The following ZACN variants were observed in gnomAD, a reference collection of about 807,000 sequenced individuals.
ZACN encodes the protein ligand-gated cation channel ZACN.
ZACN carries 52 observed loss-of-function variants against 38.9 expected under a neutral mutation model. That is an observed-to-expected ratio of 1.34 (90% CI 1.07 to 1.68). The LOEUF (loss-of-function observed/expected upper bound fraction) is 1.68, where lower values mean the gene tolerates loss of function less well. Ranked by LOEUF, ZACN falls within the 40% of genes most tolerant of loss-of-function variation. The pLI is 0.00. For synonymous variants in ZACN, 235 were observed against 227.4 expected (o/e 1.03, Z -0.30); for missense variants, 559 against 525.6 (o/e 1.06, Z -0.62).
In ZACN at chr17:76,081,534, TC is replaced by T. The variant is rs1475670024; in HGVS notation, c.670-7del. 6.2e-7 allele frequency: 1 copy of T among 1,612,932 alleles called. No individual in the cohort carries two copies. The highest frequency in any genetic ancestry group is 8.5e-7 in the Non-Finnish European group (1 of 1,179,930). On this transcript the variant is annotated splice_polypyrimidine_tract_variant and intron_variant, in intron 6 of 8. Coordinates refer to ENST00000334586, the MANE Select transcript of ZACN (RefSeq NM_180990.4). Reference sequence around the variant, plus strand: ...CCCCCGCCGGGAAGGCCCTGACTTTTCCCCTTCCAGCTGAGGCTGAAGAACA... The same window carrying T: ...CCCCCGCCGGGAAGGCCCTGACTTTTCCCTTCCAGCTGAGGCTGAAGAACA...
In ZACN at chr17:76,079,454, TCAA is replaced by T; in HGVS notation, c.115_117del (p.Asn39del). The T allele has an allele frequency of 6.2e-7, 1 of 1,614,174 alleles. No homozygotes were observed. The highest frequency in any genetic ancestry group is 8.5e-7 in the Non-Finnish European group (1 of 1,180,024). Reference sequence around the variant, plus strand: ...TCTCTCTCAGTCTGGCCATCCCTCTTCAACGTCAACTTGTCCAAGAAGGTTCAG... The same window carrying T: ...TCTCTCTCAGTCTGGCCATCCCTCTTCGTCAACTTGTCCAAGAAGGTTCAG... On this transcript the variant is annotated inframe_deletion, in exon 2 of 9. Transcript: ENST00000334586.
rs773950337 is a variant in ZACN, at chr17:76,081,576, T to A, written c.701T>A (p.Ile234Asn). 1.2e-6 allele frequency: 2 copies of A among 1,613,884 alleles called. No homozygotes were observed. The highest frequency in any genetic ancestry group is 2.2e-5 in the South Asian group (2 of 91,090). Reference protein sequence around the residue: ...LRLKNTALKSIIALLVPAEAL... With the variant: ...LRLKNTALKSNIALLVPAEAL... ...CTGAAGAACACGGCGCTCAAGTCCATCATCGCTCTCTTGGTGCCTGCAGAG... is the reference window on the plus strand; with the variant it reads ...CTGAAGAACACGGCGCTCAAGTCCAACATCGCTCTCTTGGTGCCTGCAGAG... Residue 234 changes from isoleucine to asparagine, a missense_variant, in exon 7 of 9, where the codon ATC becomes AAC. By Grantham distance (149) the Ile-to-Asn change is moderately radical (BLOSUM62 -3). Coordinates refer to ENST00000334586, the MANE Select transcript of ZACN (RefSeq NM_180990.4).
Position 76,081,544 on chromosome 17 carries a change from G to T in ZACN, c.670-1G>T. 2 of 1,613,210 alleles carry T rather than the reference G, an allele frequency of 1.2e-6. No homozygotes were observed. The highest frequency in any genetic ancestry group is 1.7e-6 in the Non-Finnish European group (2 of 1,180,010). ...GAAGGCCCTGACTTTTCCCCTTCCA[G>T]CTGAGGCTGAAGAACACGGCGCTCA... On this transcript the variant is annotated splice_acceptor_variant, in intron 6 of 8. Transcript: ENST00000334586. LOFTEE classifies it high-confidence loss of function.
rs2066914053 is a variant in ZACN, at chr17:76,079,233, C to T, written c.-32C>T. On this transcript the variant is annotated 5_prime_UTR_variant, in exon 1 of 9. Transcript: ENST00000334586. ...TGGAATAGAGGTTGTAGCTTAGGCA[C>T]CGCTGCTCCCTCCAGTCCCTCCGTG... The T allele has an allele frequency of 6.9e-6, 11 of 1,582,840 alleles. No homozygotes were observed. The highest frequency in any genetic ancestry group is 7.8e-6 in the Non-Finnish European group (9 of 1,160,372).
intron 5 of ZACN, chr17:76,080,849 A>T: frequency 2.1e-6 from 1 of 471,266 alleles, no homozygotes; most frequent in South Asian, 1.5e-5. Context: ...ACTCCTGGAA[A>T]CCACCTGAAG....
In ZACN at chr17:76,079,968, G is replaced by C. The variant is rs1234022051; in HGVS notation, c.348G>C (p.Trp116Cys). The change falls in exon 4 of 9, where the codon TGG becomes TGC. Residue 116 changes from tryptophan (W) to cysteine (C), a missense_variant. Transcript: ENST00000334586. ...TCACGCTGCCCTGGGAGTCTCTCTGGACACCAAGGCTCACCATCCTGGAGG... is the reference window on the plus strand; with the variant it reads ...TCACGCTGCCCTGGGAGTCTCTCTGCACACCAAGGCTCACCATCCTGGAGG... ...HAITLPWESL[W>C]TPRLTILEAL... 5.0e-6 allele frequency: 8 copies of C among 1,593,326 alleles called. No individual in the cohort carries two copies. The African/African-American group carries it at 8.1e-5, about 16-fold the overall frequency.
In ZACN at chr17:76,080,441, G is replaced by A; in HGVS notation, c.544+17G>A. The A allele has an allele frequency of 6.2e-7, 1 of 1,612,718 alleles. No individual in the cohort carries two copies. The highest frequency in any genetic ancestry group is 8.5e-7 in the Non-Finnish European group (1 of 1,179,914). On this transcript the variant is annotated intron_variant, in intron 5 of 8. Coordinates refer to ENST00000334586, the MANE Select transcript of ZACN (RefSeq NM_180990.4). Reference sequence around the variant, plus strand: ...GCAACACGGGTGCTGACAGGGCAGGGGCTGCAGGGTTGAGGAGGGGAGGAG... The same window carrying A: ...GCAACACGGGTGCTGACAGGGCAGGAGCTGCAGGGTTGAGGAGGGGAGGAG...
chr17:76,081,985 CCCCAG>C lies in ZACN; in HGVS notation c.993_997del (p.Ala332GlufsTer16), dbSNP rs2067001687. The C allele has an allele frequency of 6.2e-7, 1 of 1,612,268 alleles. No homozygotes were observed. Among genetic ancestry groups the C allele is most frequent in the South Asian group, 1.1e-5 (1 of 91,062 alleles). ...GGGGCAACCTTGGGGCCAAGAGCGG[CCCCAG>C]CCCAGCCCCGAGAGGGGAACAGCGA... On this transcript the variant is annotated frameshift_variant, in exon 8 of 9. Coordinates refer to ENST00000334586, the MANE Select transcript of ZACN (RefSeq NM_180990.4). LOFTEE classifies it high-confidence loss of function.
At position 76,079,259 on chromosome 17, in the gene ZACN, C is replaced by A. The variant is rs2066914399; in HGVS notation, c.-6C>A. On this transcript the variant is annotated 5_prime_UTR_variant, in exon 1 of 9. Coordinates refer to ENST00000334586, the MANE Select transcript of ZACN (RefSeq NM_180990.4). Reference sequence around the variant, plus strand: ...CGCTGCTCCCTCCAGTCCCTCCGTGCAGCCGATGATGGCCCTATGGTCCCT... The same window carrying A: ...CGCTGCTCCCTCCAGTCCCTCCGTGAAGCCGATGATGGCCCTATGGTCCCT... The A allele has an allele frequency of 1.2e-6, 2 of 1,609,466 alleles. No individual in the cohort carries two copies. Among genetic ancestry groups the A allele is most frequent in the Non-Finnish European group, 1.7e-6 (2 of 1,176,796 alleles).
Position 76,079,718 on chromosome 17 carries a change from C to G in ZACN, c.239C>G (p.Thr80Arg). 6.2e-7 allele frequency: 1 copy of G among 1,613,700 alleles called. No homozygotes were observed. The highest frequency in any genetic ancestry group is 1.1e-5 in the South Asian group (1 of 90,990). Reference protein sequence around the residue: ...NVFNVDILRYTMSSMLLLRLS... With the variant: ...NVFNVDILRYRMSSMLLLRLS... ...TTCCCCCAGGACATCCTGCGATACA[C>G]AATGTCCTCCATGCTGCTGCTTAGG... The change falls in exon 3 of 9, where the codon ACA becomes AGA. Residue 80 changes from threonine (T) to arginine (R), a missense_variant. Physicochemically the swap from Thr to Arg is moderately conservative, Grantham distance 71. Transcript: ENST00000334586.
Position 76,081,308 on chromosome 17 carries a change from T to C in ZACN, c.575T>C (p.Val192Ala). Residue 192 changes from valine (V) to alanine (A), a missense_variant, in exon 6 of 9, where the codon GTG becomes GCG. By Grantham distance (64) the Val-to-Ala change is moderately conservative. Coordinates refer to ENST00000334586, the MANE Select transcript of ZACN (RefSeq NM_180990.4). ...AMELEFQAHV[V>A]NEIVSVKREY... ...GAGTTAGAGTTCCAGGCCCACGTGGTGAACGAGATTGTGAGTGTCAAGAGG... is the reference window on the plus strand; with the variant it reads ...GAGTTAGAGTTCCAGGCCCACGTGGCGAACGAGATTGTGAGTGTCAAGAGG... 1.2e-6 allele frequency: 2 copies of C among 1,614,084 alleles called. No individual in the cohort carries two copies. Among genetic ancestry groups the C allele is most frequent in the East Asian group, 2.2e-5 (1 of 44,882 alleles).
intron 4 of ZACN, 127 bp downstream of exon 4, chr17:76,080,121 C>T (rs2066926137): frequency 1.4e-6 from 2 of 1,449,290 alleles, no homozygotes; most frequent in Non-Finnish European, 1.9e-6. Context: ...AGCAGTGCAC[C>T]TTCACTGCCT....
Position 76,081,189 on chromosome 17 carries a change from C to T in ZACN, c.545-89C>T, listed in dbSNP as rs113423076. 1,607 of 1,555,194 alleles carry T rather than the reference C, an allele frequency of 1.0e-3. 12 individuals are homozygous for T. The African/African-American group carries it at 0.019, about 19-fold the overall frequency. On this transcript the variant is annotated intron_variant, in intron 5 of 8. Transcript: ENST00000334586. ...CCTGCCAAAAGCCATCAAAAGTCTC[C>T]ATCACCCCTGGGCTCCAGTCTGCTA...
Position 76,080,372 on chromosome 17 carries a change from C to A in ZACN, c.492C>A (p.Phe164Leu). ...ETNCNFELLH[F>L]PRDHSNCSLS... ...ACTGCAACTTTGAGCTCCTCCACTT[C>A]CCCCGGGACCACAGCAACTGCAGCC... The change falls in exon 5 of 9, where the codon TTC becomes TTA. Residue 164 changes from phenylalanine (F) to leucine (L), a missense_variant. Physicochemically the swap from Phe to Leu is conservative, Grantham distance 22. Transcript: ENST00000334586. The A allele has an allele frequency of 1.9e-6, 3 of 1,614,056 alleles. No homozygotes were observed. The highest frequency in any genetic ancestry group is 2.5e-6 in the Non-Finnish European group (3 of 1,180,014).
chr17:76,079,390 G>A, intron 1 of ZACN, 29 bp downstream of exon 1: 2 of 1,614,034 alleles, frequency 1.2e-6, no homozygotes, highest in Non-Finnish European at 1.7e-6. Context: ...CATAAGCTTT[G>A]GGACTTGGGC....
rs532474792 is a variant in ZACN at position 76,082,234 on chromosome 17, C to T, written c.1048+185C>T. ...GTCTGGGGCAGGGAGCAAGCTGAGC[C>T]TCCCTGAAGTCCCAGGTGACCTCAA... On this transcript the variant is annotated intron_variant, in intron 8 of 8. Transcript: ENST00000334586. The T allele has an allele frequency of 5.8e-5, 48 of 832,586 alleles. 1 individual carries two copies. In the South Asian group the frequency reaches 8.8e-4, roughly 15 times the overall value. The allele number at this position is 832,586 out of a possible 1,614,324, so 51.6% of individuals were successfully genotyped here. A position where few individuals can be genotyped will look rare whatever the true frequency, so the allele number is the denominator to read the frequency against.
intron 2 of ZACN, 53 bp from the exon 3 acceptor site, chr17:76,079,649 G>A: frequency 1.2e-6 from 2 of 1,611,260 alleles, no homozygotes; most frequent in African/African-American, 2.7e-5. Flanking sequence ...GTCTCCTGCT[G>A]CGTTCTTTCA....
At position 76,082,581 on chromosome 17, in the gene ZACN, G is replaced by T. The variant is rs760730740; in HGVS notation, c.1167G>T (p.Trp389Cys). The change falls in exon 9 of 9, where the codon TGG (tryptophan) becomes TGT (cysteine). Residue 389 changes from tryptophan (W) to cysteine (C), a missense_variant. By Grantham distance (215) the Trp-to-Cys change is radical (BLOSUM62 -2). Coordinates refer to ENST00000334586, the MANE Select transcript of ZACN (RefSeq NM_180990.4). The stretch of plus-strand genomic sequence containing the variant: ...CCCAATTCGTCTTTGCAGGAATCTG[G>T]ATGTGGGCAGCGTGCAAGTCTGACG... ...LCTQFVFAGI[W>C]MWAACKSDAA... 1 of 1,613,704 alleles carries T rather than the reference G, an allele frequency of 6.2e-7. No homozygotes were observed. The highest frequency in any genetic ancestry group is 8.5e-7 in the Non-Finnish European group (1 of 1,179,948).
intron 5 of ZACN, 35 bp downstream of exon 5, chr17:76,080,459 GGGA>G (rs772285615): frequency 2.5e-6 from 4 of 1,610,152 alleles, no homozygotes; most frequent in South Asian, 2.2e-5. Context: ...GGTTGAGGAG[GGGA>G]GGAGGAAGGT....
Sources: gnomAD v4.1 joint callset for allele counts on GRCh38, gnomAD v4.1.1 for gene constraint, MANE v1.5 for transcripts, NCBI Gene and HGNC (gene_info 2026-07-23, HGNC 2026-07-21) for gene names.